Variants in ZNF268 observed in about 807,000 individuals in gnomAD.
ZNF268 encodes the protein zinc finger protein 268.
A neutral mutation model predicts 29.3 loss-of-function variants in ZNF268; 20 were observed. The observed-to-expected ratio is 0.68, with a 90% confidence interval of 0.48 to 0.99. ZNF268 has a LOEUF of 0.99. Ranked by LOEUF, ZNF268 falls within the 50% of genes least tolerant of loss-of-function variation. The probability of loss-of-function intolerance (pLI) is 0.00; values close to 1 mark genes in which losing one functional copy is unlikely to be tolerated. For missense variants in ZNF268, 1,240 were observed against 1,121.6 expected, an observed-to-expected ratio of 1.11 and a Z score of -1.51; for synonymous variants, 429 against 376.9, an observed-to-expected ratio of 1.14 and a Z score of -1.60.
At position 133,206,358 on chromosome 12, in the gene ZNF268, A is replaced by C. The variant is rs1252284652; in HGVS notation, c.*1828A>C. 6.6e-6 allele frequency: 1 copy of C among 152,116 alleles called. No homozygotes were observed. The highest frequency in any genetic ancestry group is 6.6e-5 in the Admixed American group (1 of 15,256). 9.4% of individuals were successfully genotyped at this position (152,116 alleles called of 1,614,324 possible). On this transcript the variant is annotated 3_prime_UTR_variant, in exon 6 of 6. Coordinates refer to ENST00000536435, the MANE Select transcript of ZNF268 (RefSeq NM_003415.3). ...AGAATTCTGGAGTGGTCAAGAGGGG[A>C]ATGCTTTTGATACCCATGTATAACA...
intron 2 of ZNF268, among the ~76,000 whole-genome samples, chr12:133,186,485 T>C (rs1956318990): frequency 6.6e-6 from 1 of 151,834 alleles, no homozygotes; most frequent in Admixed American, 6.6e-5. Flanking sequence ...GCAATTCTCC[T>C]GCCTCAGCCT....
rs58159552 is a variant in ZNF268, at chr12:133,189,023, C to T, written c.234+951C>T. On this transcript the variant is annotated intron_variant, in intron 3 of 5. Transcript: ENST00000536435. ...CTTTATTACTTTACCTTTCACTTTTCGATTTACAGTGCCTTTGGGATTGAG... is the reference window on the plus strand; with the variant it reads ...CTTTATTACTTTACCTTTCACTTTTTGATTTACAGTGCCTTTGGGATTGAG... Among the ~76,000 whole-genome samples, 608 of 152,048 alleles carry T rather than the reference C, an allele frequency of 4.0e-3. 4 individuals carry two copies. The highest frequency in any genetic ancestry group is 0.014 in the African/African-American group (582 of 41,466).
intron 2 of ZNF268, among the ~76,000 whole-genome samples, 190 bp from the exon 3 acceptor site, chr12:133,187,682 T>A (rs1047948274): frequency 2.6e-5 from 4 of 152,160 alleles, no homozygotes; most frequent in African/African-American, 9.7e-5. Flanking sequence ...GCTCAAAACT[T>A]GACTTGAACT....
At chr12:133,191,328 AAAAAG>A in intron 3 of ZNF268, 156 bp from the exon 4 acceptor site, 5 of 796,048 alleles carry the variant, frequency 6.3e-6, no homozygotes, top group Admixed American at 2.9e-5. Context: ...ACAAAAAAAA[AAAAAG>A]AAAGAAAGAT....
At position 133,211,227 on chromosome 12, in the gene ZNF268, T is replaced by G. The variant is rs985150614; in HGVS notation, c.*6697T>G. 1.1e-5 allele frequency: 4 copies of G among 353,672 alleles called. No individual in the cohort carries two copies. The Admixed American group carries it at 1.5e-4, about 13-fold the overall frequency. The allele number at this position is 353,672 out of a possible 1,614,324, so 21.9% of individuals were successfully genotyped here. On this transcript the variant is annotated 3_prime_UTR_variant, in exon 6 of 6. Transcript: ENST00000536435. ...AAAATATAAAAAAAAAACCCTAAAA[T>G]TGAACAAGAAGACAACCCAATTAAA...
chr12:133,187,888 A>G lies in ZNF268; in HGVS notation c.50A>G (p.Glu17Gly). 6.3e-7 allele frequency: 1 copy of G among 1,596,210 alleles called. No individual in the cohort carries two copies. Among genetic ancestry groups the G allele is most frequent in the South Asian group, 1.1e-5 (1 of 87,842 alleles). ...AGTCCACAGGTCCCACCTCTCCAAG[A>G]ACGAAACAGTTCATGGGATAGGATC... is the stretch of plus-strand genomic sequence containing the variant. ...TASIWVPPLQ[E>G]RNSSWDRIRK... Residue 17 changes from glutamate to glycine, a missense_variant, in exon 3 of 6, where the codon GAA becomes GGA. Glu to Gly is a moderately conservative substitution (Grantham distance 98). Around this residue, in one of 3 missense-constraint regions of ZNF268, gnomAD observed 51 missense variants for 51.4 expected, o/e 0.99. Transcript: ENST00000536435.
rs1169919446 is a variant in ZNF268 at position 133,211,559 on chromosome 12, C to T, written c.*7029C>T. On this transcript the variant is annotated 3_prime_UTR_variant, in exon 6 of 6. Transcript: ENST00000536435. Reference sequence around the variant, plus strand: ...CGAGATCGCGCCATTGCACTCCAGCCTGGGCAACAAGAGTGAAACTCCGTC... The same window carrying T: ...CGAGATCGCGCCATTGCACTCCAGCTTGGGCAACAAGAGTGAAACTCCGTC... 1.3e-5 allele frequency: 2 copies of T among 152,466 alleles called. No individual in the cohort carries two copies. Among genetic ancestry groups the T allele is most frequent in the Non-Finnish European group, 2.9e-5 (2 of 69,154 alleles). 9.4% of individuals were successfully genotyped at this position (152,466 alleles called of 1,614,324 possible).
rs530929386 is a variant in ZNF268 at position 133,210,235 on chromosome 12, T to A, written c.*5705T>A. ...AGTGCACTGGTCGTCACTGTGGGTG[T>A]ACCCTACAGGAGTCTTCAGATATGG... On this transcript the variant is annotated 3_prime_UTR_variant, in exon 6 of 6. Coordinates refer to ENST00000536435, the MANE Select transcript of ZNF268 (RefSeq NM_003415.3). 1 of 152,986 alleles carries A rather than the reference T, an allele frequency of 6.5e-6. No individual in the cohort carries two copies. The highest frequency in any genetic ancestry group is 6.5e-5 in the Admixed American group (1 of 15,398). The allele number at this position is 152,986 out of a possible 1,614,324, so 9.5% of individuals were successfully genotyped here.
Position 133,211,118 on chromosome 12 carries a change from A to G in ZNF268, c.*6588A>G. 2.4e-6 allele frequency: 1 copy of G among 423,982 alleles called. No individual in the cohort carries two copies. The highest frequency in any genetic ancestry group is 1.6e-5 in the South Asian group (1 of 61,044). 26.3% of individuals were successfully genotyped at this position (423,982 alleles called of 1,614,324 possible). A position where few individuals can be genotyped will look rare whatever the true frequency, so the allele number is the denominator to read the frequency against. Reference sequence around the variant, plus strand: ...ATAGACAAAAGTCAAGTGATTTCCTATATATTTGAAATAATGTATAGCAAT... The same window carrying G: ...ATAGACAAAAGTCAAGTGATTTCCTGTATATTTGAAATAATGTATAGCAAT... On this transcript the variant is annotated 3_prime_UTR_variant, in exon 6 of 6. Coordinates refer to ENST00000536435, the MANE Select transcript of ZNF268 (RefSeq NM_003415.3).
chr12:133,187,744 CA>C, intron 2 of ZNF268, 127 bp from the exon 3 acceptor site: 1 of 887,132 alleles, frequency 1.1e-6, no homozygotes, highest in South Asian at 1.8e-5. Context: ...TCTAACCCTG[CA>C]TTTCCTGAAG....
chr12:133,192,545 C>G (rs950494251), intron 5 of ZNF268, among the ~76,000 whole-genome samples: 1 of 152,174 alleles, frequency 6.6e-6, no homozygotes, highest in Admixed American at 6.5e-5. Flanking sequence ...TGATCCTTCC[C>G]TTTCCTTTCT....
At chr12:133,193,609 T>C in intron 5 of ZNF268, 1 of 540,736 alleles carries the variant, frequency 1.8e-6, no homozygotes, top group Admixed American at 3.3e-5. Flanking sequence ...TAGAAACGAC[T>C]AATCCATTCA....
rs1331713338 is a variant in ZNF268 at position 133,207,817 on chromosome 12, A to G, written c.*3287A>G. On this transcript the variant is annotated 3_prime_UTR_variant, in exon 6 of 6. Transcript: ENST00000536435. ...AACTAGACCCTGTCTCAAAAAACAG[A>G]AGAGTATGTTTGGAAGATTTAATAT... The G allele has an allele frequency of 6.6e-6, 1 of 151,998 alleles. No individual in the cohort carries two copies. Among genetic ancestry groups the G allele is most frequent in the African/African-American group, 2.4e-5 (1 of 41,420 alleles). The allele number at this position is 151,998 out of a possible 1,614,324, so 9.4% of individuals were successfully genotyped here.
intron 2 of ZNF268, among the ~76,000 whole-genome samples, chr12:133,187,598 A>G (rs1307124640): frequency 3.3e-5 from 5 of 152,102 alleles, no homozygotes; most frequent in Non-Finnish European, 7.4e-5. Context: ...GTCCGTTTGG[A>G]GGCTAGGATG....
In ZNF268 at chr12:133,203,504, T is replaced by C. The variant is rs766528349; in HGVS notation, c.1818T>C (p.His606=). 1.2e-5 allele frequency: 19 copies of C among 1,544,700 alleles called. No homozygotes were observed. Among genetic ancestry groups the C allele is most frequent in the Non-Finnish European group, 1.7e-5 (19 of 1,149,316 alleles). The change falls in exon 6 of 6, where the codon CAT becomes CAC. Residue 606 remains histidine (H), a synonymous_variant. Coordinates refer to ENST00000536435, the MANE Select transcript of ZNF268 (RefSeq NM_003415.3). ...KSQLIIHQRT[H]TGEKPFECSE... is the part of the protein sequence containing the mutation. ...AGCTTATTATACACCAGAGAACTCATACAGGGGAGAAACCATTTGAATGTA... is the reference window on the plus strand; with the variant it reads ...AGCTTATTATACACCAGAGAACTCACACAGGGGAGAAACCATTTGAATGTA...
At chr12:133,185,657 G>A (rs1051726830) in intron 2 of ZNF268, among the ~76,000 whole-genome samples, 6 of 152,170 alleles carry the variant, frequency 3.9e-5, no homozygotes, top group South Asian at 4.1e-4. Flanking sequence ...AGGGAGCAAC[G>A]TGAGCTGCTT....
rs759970573 is a variant in ZNF268 at position 133,204,399 on chromosome 12, T to G, written c.2713T>G (p.Ser905Ala). The change falls in exon 6 of 6, where the codon TCA becomes GCA. Residue 905 changes from serine to alanine, a missense_variant. By Grantham distance (99) the Ser-to-Ala change is moderately conservative. Transcript: ENST00000536435. ...ATGTGGGAAAACCTTCTCTCAAAAA[T>G]CAATTCTCAGTGCACATCAGAGAAC... Reference protein sequence around the residue: ...NECGKTFSQKSILSAHQRTHT... With the variant: ...NECGKTFSQKAILSAHQRTHT... 7.6e-6 allele frequency: 12 copies of G among 1,570,660 alleles called. No homozygotes were observed. In the African/African-American group the frequency reaches 1.6e-4, roughly 21 times the overall value.
rs781202907 is a variant in ZNF268, at chr12:133,203,867, G to A, written c.2181G>A (p.Arg727=). The change falls in exon 6 of 6, where the codon AGG becomes AGA. Residue 727 remains arginine, a synonymous_variant. Transcript: ENST00000536435. ...CAGGAGAGAAACCACATGAGTGCAG[G>A]GAATGCGGGAAATCCTTTAGTTTCA... is the stretch of plus-strand genomic sequence containing the variant. ...THTGEKPHEC[R]ECGKSFSFNS... is the part of the protein sequence containing the mutation. 6.4e-7 allele frequency: 1 copy of A among 1,568,554 alleles called. No homozygotes were observed. The highest frequency in any genetic ancestry group is 1.1e-5 in the South Asian group (1 of 87,034).
intron 5 of ZNF268, among the ~76,000 whole-genome samples, chr12:133,193,805 T>G (rs1056863455): frequency 2.0e-5 from 3 of 152,326 alleles, no homozygotes; most frequent in Admixed American, 1.3e-4. Flanking sequence ...TTTGATTGAT[T>G]CACTGGCATC....
Sources: gnomAD v4.1 joint callset for allele counts (sites outside exome capture counted in the v4.1 genomes callset) on GRCh38, gnomAD v4.1.1 for gene constraint, gnomAD v4.1.1 regional missense constraint, MANE v1.5 for transcripts, NCBI Gene and HGNC (gene_info 2026-07-23, HGNC 2026-07-21) for gene names.